The following EIF4ENIF1 variants were observed in gnomAD, a reference collection of about 807,000 sequenced individuals.
EIF4ENIF1 encodes eukaryotic translation initiation factor 4E nuclear import factor 1, also known as eukaryotic translation initiation factor 4E transporter.
In EIF4ENIF1, 23 loss-of-function variants were observed where a neutral mutation model predicts 110.5. The observed-to-expected ratio is 0.21, with a 90% confidence interval of 0.15 to 0.29. The LOEUF (loss-of-function observed/expected upper bound fraction) is 0.29, where lower values mean the gene tolerates loss of function less well. Among genes scored for constraint, EIF4ENIF1 ranks in the 10% least tolerant of loss-of-function variants. The probability of loss-of-function intolerance (pLI) is 1.00; values close to 1 mark genes in which losing one functional copy is unlikely to be tolerated. For missense variants in EIF4ENIF1, 1,031 were observed against 1,221.1 expected (o/e 0.84, Z 2.32); for synonymous variants, 440 against 437.0 (o/e 1.01, Z -0.09).
chr22:31,464,551 G>A (rs1449534735), intron 4 of EIF4ENIF1, among the ~76,000 whole-genome samples: 3 of 150,336 alleles, frequency 2.0e-5, no homozygotes, highest in Non-Finnish European at 3.0e-5. Context: ...TGTGGCAGGT[G>A]CCTGTAATCC....
At chr22:31,455,742 G>A (rs1331843267) in intron 8 of EIF4ENIF1, 110 bp downstream of exon 8, 1 of 1,416,760 alleles carries the variant, frequency 7.1e-7, no homozygotes, top group Non-Finnish European at 9.7e-7. Context: ...CTTTTCAGTT[G>A]TCCAGAGACC....
At chr22:31,490,890 G>A (rs1393002962), upstream of EIF4ENIF1, among the ~76,000 whole-genome samples, 1 of 152,214 alleles carries the variant, frequency 6.6e-6, no homozygotes, top group Non-Finnish European at 1.5e-5. Flanking sequence ...GGCCTACTTT[G>A]TTGGAACTTC....
rs1195080628 is a variant in EIF4ENIF1, at chr22:31,468,054, A to G, written c.298+121T>C. 5.0e-6 allele frequency: 7 copies of G among 1,409,648 alleles called. No homozygotes were observed. The Admixed American group carries it at 1.3e-4, about 27-fold the overall frequency. The allele number at this position is 1,409,648 out of a possible 1,614,324, so 87.3% of individuals were successfully genotyped here. On this transcript the variant is annotated intron_variant, in intron 4 of 18. Transcript: ENST00000330125. ...TTAGGAAAAATCCAACCGATAAATCAGTTTCCTGATAATGACATTTCCCCT... is the reference window on the plus strand; with the variant it reads ...TTAGGAAAAATCCAACCGATAAATCGGTTTCCTGATAATGACATTTCCCCT...
intron 14 of EIF4ENIF1, 87 bp from the exon 15 acceptor site, chr22:31,444,777 G>A: frequency 8.0e-7 from 1 of 1,243,296 alleles, no homozygotes; most frequent in South Asian, 1.2e-5. Context: ...CAGCCTAGAA[G>A]TTTTAACATC....
At chr22:31,447,811 A>G (rs923774383) in intron 13 of EIF4ENIF1, among the ~76,000 whole-genome samples, 4 of 152,210 alleles carry the variant, frequency 2.6e-5, no homozygotes, top group African/African-American at 9.7e-5. Flanking sequence ...TTTCTTTTAG[A>G]GACAGGGTCT....
chr22:31,442,253 G>T (rs1410402836), intron 16 of EIF4ENIF1, 135 bp from the exon 17 acceptor site: 13 of 690,000 alleles, frequency 1.9e-5, no homozygotes, highest in Non-Finnish European at 2.9e-5. Flanking sequence ...AGGACTACAC[G>T]GTAGGAACCA....
At chr22:31,466,377 C>A (rs1044733728) in intron 4 of EIF4ENIF1, among the ~76,000 whole-genome samples, 2 of 150,232 alleles carry the variant, frequency 1.3e-5, no homozygotes, top group Admixed American at 1.3e-4. Flanking sequence ...CGCGCCACTG[C>A]ACTCCAGCCT....
At chr22:31,450,423 G>A (rs2050610747) in intron 10 of EIF4ENIF1, 63 bp from the exon 11 acceptor site, 1 of 1,344,762 alleles carries the variant, frequency 7.4e-7, no homozygotes, top group Admixed American at 1.7e-5. Context: ...CAGATTGATT[G>A]GGGACCACAA....
Position 31,440,061 on chromosome 22 carries a change from T to C in EIF4ENIF1, c.2777A>G (p.Gln926Arg). 3 of 1,614,122 alleles carry C rather than the reference T, an allele frequency of 1.9e-6. 1 individual carries two copies. In the Middle Eastern group the frequency reaches 5.0e-4, roughly 267 times the overall value. ...AAAVSVQTTP[Q>R]NVPSRSGLPH... ...CAGGCCTGACCGGCTGGGCACGTTC[T>C]GAGGGGTTGTCTGAACGCTGACAGC... Residue 926 changes from glutamine to arginine, a missense_variant, in exon 19 of 19, where the codon CAG (glutamine) becomes CGG (arginine). This residue lies in a region of EIF4ENIF1 where 309 missense variants were observed against 299.1 expected (regional missense o/e 1.03). Coordinates refer to ENST00000330125, the MANE Select transcript of EIF4ENIF1 (RefSeq NM_019843.4).
intron 4 of EIF4ENIF1, among the ~76,000 whole-genome samples, chr22:31,466,347 A>G (rs1377541848): frequency 3.3e-5 from 5 of 151,628 alleles, no homozygotes; most frequent in Non-Finnish European, 7.4e-5. Flanking sequence ...CGGGAGGCAG[A>G]GGTTGCAGTG....
chr22:31,470,213 A>G (rs1011822907), intron 3 of EIF4ENIF1, among the ~76,000 whole-genome samples: 3 of 147,654 alleles, frequency 2.0e-5, no homozygotes, highest in African/African-American at 7.5e-5. Context: ...GGCTATAGCC[A>G]TTATTCAAGT....
At position 31,481,771 on chromosome 22, in the gene EIF4ENIF1, G is replaced by T. The variant is rs369149386; in HGVS notation, c.96+6852C>A. On this transcript the variant is annotated intron_variant, in intron 2 of 18. Transcript: ENST00000330125. ...CAAACATGGCTGTACTGACTGCTAT[G>T]ACCAATTGGCCTACCAGCCACAAAT... Among the ~76,000 whole-genome samples, 20 of 152,204 alleles carry T rather than the reference G, an allele frequency of 1.3e-4. 1 individual carries two copies. The East Asian group carries it at 2.7e-3, about 21-fold the overall frequency.
chr22:31,458,241 C>CAAAAAAAAAAAAAAAAA (rs1018185022), intron 7 of EIF4ENIF1, among the ~76,000 whole-genome samples: 1 of 142,742 alleles, frequency 7.0e-6, no homozygotes. Context: ...AAAAAAAAAA[C>CAAAAAAAAAAAAAAAAA]AACAAAAAAA....
downstream of EIF4ENIF1, among the ~76,000 whole-genome samples, chr22:31,439,153 C>CA (rs1303564472): frequency 1.3e-5 from 2 of 152,202 alleles, no homozygotes; most frequent in East Asian, 1.9e-4. Context: ...CCTGCCTCTA[C>CA]AAAAAATAAG....
chr22:31,471,745 C>T, intron 3 of EIF4ENIF1, 99 bp downstream of exon 3: 1 of 1,062,644 alleles, frequency 9.4e-7, no homozygotes, highest in Middle Eastern at 2.3e-4. Context: ...TATAATTCTA[C>T]CAGAAAACTT....
chr22:31,451,130 C>T (rs1311852922), intron 10 of EIF4ENIF1: 1 of 152,370 alleles, frequency 6.6e-6, no homozygotes, highest in African/African-American at 2.4e-5. Flanking sequence ...ATCCTCTGGC[C>T]TTGGCCTCCC....
At chr22:31,483,903 G>A (rs1053051653) in intron 2 of EIF4ENIF1, among the ~76,000 whole-genome samples, 1 of 152,146 alleles carries the variant, frequency 6.6e-6, no homozygotes, top group African/African-American at 2.4e-5. Flanking sequence ...AGGGTAACAG[G>A]TGCATATGAT....
chr22:31,468,001 A>G (rs1402932270), intron 4 of EIF4ENIF1, among the ~76,000 whole-genome samples, 174 bp downstream of exon 4: 1 of 152,218 alleles, frequency 6.6e-6, no homozygotes, highest in African/African-American at 2.4e-5. Context: ...TAGCTGTGAC[A>G]AAGTAGACTA....
chr22:31,471,817 A>C, intron 3 of EIF4ENIF1, 27 bp downstream of exon 3: 1 of 1,562,436 alleles, frequency 6.4e-7, no homozygotes, highest in Non-Finnish European at 8.7e-7. Flanking sequence ...GACTAGAAGT[A>C]GTTAAGGACT....
Sources: gnomAD v4.1 joint callset for allele counts (sites outside exome capture counted in the v4.1 genomes callset) on GRCh38, gnomAD v4.1.1 for gene constraint, gnomAD v4.1.1 regional missense constraint, MANE v1.5 for transcripts, NCBI Gene and HGNC (gene_info 2026-07-23, HGNC 2026-07-21) for gene names.